The following PCDH15 variants were observed in gnomAD, a reference collection of about 807,000 sequenced individuals.
PCDH15 encodes protocadherin related 15, also known as protocadherin-15.
In PCDH15, 129 loss-of-function variants were observed where a neutral mutation model predicts 178.5. The observed-to-expected ratio is 0.72, with a 90% CI of 0.63 to 0.84. The LOEUF is 0.84. PCDH15 is among the 40% of genes least tolerant of loss of function. The pLI is 0.00. For missense variants in PCDH15, 2,230 were observed against 2,099.9 expected (o/e 1.06, Z -1.21); for synonymous variants, 800 against 732.0 (o/e 1.09, Z -1.50).
chr10:53,830,534 A>G (rs1359425852), intron 30 of PCDH15, among the ~76,000 whole-genome samples: 2 of 152,154 alleles, frequency 1.3e-5, no homozygotes, highest in Admixed American at 6.5e-5. Flanking sequence ...GTCTATAGAA[A>G]TATACTTAAA....
Position 55,134,193 on chromosome 10 carries a change from C to G in PCDH15, c.-80+32383G>C, listed in dbSNP as rs568391257. ...TACAGTCCTCCAGCTATAGGGGGAG[C>G]CTTGCTATTCATCCAAGTCAACAAT... On this transcript the variant is annotated intron_variant, in intron 2 of 5. Coordinates refer to the PCDH15 transcript ENST00000458638. Among the ~76,000 whole-genome samples the G allele has an allele frequency of 2.0e-3, 306 of 152,180 alleles. 1 individual carries two copies. Among genetic ancestry groups the G allele is most frequent in the Middle Eastern group, 0.017 (5 of 294 alleles).
intron 2 of PCDH15, among the ~76,000 whole-genome samples, chr10:55,137,341 TAATC>T (rs1838221235): frequency 6.6e-6 from 1 of 152,134 alleles, no homozygotes; most frequent in African/African-American, 2.4e-5. Context: ...TTACCTCAAA[TAATC>T]AGTATAGTAA....
At chr10:54,503,887 G>A (rs2080939116) in intron 3 of PCDH15, among the ~76,000 whole-genome samples, 1 of 152,004 alleles carries the variant, frequency 6.6e-6, no homozygotes, top group African/African-American at 2.4e-5. Flanking sequence ...ACCCCTGAAT[G>A]AAAACAGGAT....
intron 2 of PCDH15, among the ~76,000 whole-genome samples, chr10:55,086,360 T>C (rs74519252): frequency 0.033 from 4,961 of 152,134 alleles, 249 homozygotes; most frequent in East Asian, 0.15. Flanking sequence ...GTTTCTTACA[T>C]AGTTCTATGA....
chr10:54,788,618 A>G (rs1265012389), intron 1 of PCDH15, among the ~76,000 whole-genome samples: 3 of 151,948 alleles, frequency 2.0e-5, no homozygotes, highest in Non-Finnish European at 2.9e-5. Flanking sequence ...ATCTGTCTTC[A>G]GTAATAAGAT....
Position 53,831,368 on chromosome 10 carries a change from G to A in PCDH15, c.4149C>T (p.Ile1383=). Residue 1383 remains isoleucine (I), a synonymous_variant, in exon 30 of 38, where the codon ATC becomes ATT. Transcript: ENST00000644397. ...TEGALLALAF[I]IILCCIPAIL... ...TGGCAGGAATGCAGCAGAGGATGATGATGAAGGCCAGAGCCAACAAGGCCC... is the reference window on the plus strand; with the variant it reads ...TGGCAGGAATGCAGCAGAGGATGATAATGAAGGCCAGAGCCAACAAGGCCC... 1.2e-6 allele frequency: 2 copies of A among 1,614,118 alleles called. No individual in the cohort carries two copies. Among genetic ancestry groups the A allele is most frequent in the Non-Finnish European group, 1.7e-6 (2 of 1,180,024 alleles).
intron 17 of PCDH15, 148 bp from the exon 18 acceptor site, chr10:54,067,033 AAAAAAATT>A: frequency 1.5e-6 from 1 of 652,382 alleles, no homozygotes; most frequent in Non-Finnish European, 2.2e-6. Flanking sequence ...ATAAAAAAAT[AAAAAAATT>A]AAAAAAAAGA....
intron 2 of PCDH15, among the ~76,000 whole-genome samples, chr10:55,145,110 T>C (rs1838469061): frequency 6.6e-6 from 1 of 151,972 alleles, no homozygotes; most frequent in South Asian, 2.1e-4. Context: ...TTTTAACACA[T>C]TATTCTTTCC....
At chr10:54,003,124 T>C (rs2092242917) in intron 20 of PCDH15, among the ~76,000 whole-genome samples, 3 of 152,152 alleles carry the variant, frequency 2.0e-5, no homozygotes, top group Admixed American at 2.0e-4. Context: ...GGGAAATTTA[T>C]AGCTATAAGT....
chr10:54,250,482 A>C (rs767919148), intron 8 of PCDH15, among the ~76,000 whole-genome samples: 2 of 151,328 alleles, frequency 1.3e-5, no homozygotes. Context: ...ACAGGGTTTC[A>C]TCACTTTAGC....
At chr10:54,499,602 TA>T (rs1227173322) in intron 3 of PCDH15, among the ~76,000 whole-genome samples, 7 of 151,782 alleles carry the variant, frequency 4.6e-5, no homozygotes, top group Admixed American at 2.0e-4. Flanking sequence ...TAGGCAGAAA[TA>T]AAAAAAATTA....
intron 2 of PCDH15, among the ~76,000 whole-genome samples, chr10:55,546,602 C>A (rs908098376): frequency 3.3e-5 from 5 of 152,046 alleles, no homozygotes; most frequent in African/African-American, 1.2e-4. Context: ...AGCAAATAGA[C>A]GATCTGAGTA....
intron 2 of PCDH15, among the ~76,000 whole-genome samples, chr10:54,938,564 TTTTGTGAGACATTTATAC>T (rs1205440410): frequency 6.6e-6 from 1 of 152,158 alleles, no homozygotes; most frequent in Admixed American, 6.5e-5. Context: ...CAGAAATTTA[TTTTGTGAGACATTTATAC>T]TTTTCTATTT....
intron 3 of PCDH15, among the ~76,000 whole-genome samples, chr10:54,886,321 C>CAG (rs2131811189): frequency 6.6e-6 from 1 of 152,278 alleles, no homozygotes; most frequent in South Asian, 2.1e-4. Context: ...TGTAAACTTA[C>CAG]AGAGATAAAA....
chr10:54,166,333 T>C lies in PCDH15; in HGVS notation c.1591-13040A>G, dbSNP rs142428078. ...AAGGATTATTTCTTGCAAAATATAG[T>C]CAACTCCTTGAGGATTAGGGCTGTG... On this transcript the variant is annotated intron_variant, in intron 13 of 37. Transcript: ENST00000644397. 1.2e-3 allele frequency among the ~76,000 whole-genome samples: 177 copies of C among 152,330 alleles called. 1 individual carries two copies. Among genetic ancestry groups the C allele is most frequent in the African/African-American group, 4.1e-3 (171 of 41,578 alleles).
At chr10:54,109,433 A>G (rs1001331250) in intron 15 of PCDH15, among the ~76,000 whole-genome samples, 24 of 152,312 alleles carry the variant, frequency 1.6e-4, no homozygotes, top group African/African-American at 5.5e-4. Flanking sequence ...CAAAGGCATC[A>G]AACTCTGAAT....
intron 21 of PCDH15, among the ~76,000 whole-genome samples, chr10:53,967,394 A>G (rs1034982087): frequency 6.6e-6 from 1 of 152,156 alleles, no homozygotes; most frequent in Non-Finnish European, 1.5e-5. Flanking sequence ...ATGGATTAAT[A>G]CATAGCTGGA....
At chr10:55,281,586 T>G (rs956525578) in intron 1 of PCDH15, among the ~76,000 whole-genome samples, 1 of 152,172 alleles carries the variant, frequency 6.6e-6, no homozygotes, top group Non-Finnish European at 1.5e-5. Flanking sequence ...AACTCTTATT[T>G]TTTCACAGAA....
chr10:54,794,130 T>TATATATATCTTATATATATATAAG (rs1208070115), intron 1 of PCDH15, among the ~76,000 whole-genome samples: 1 of 146,670 alleles, frequency 6.8e-6, no homozygotes, highest in Non-Finnish European at 1.5e-5. Flanking sequence ...ATATAAGATA[T>TATATATATCTTATATATATATAAG]ATATATATCT....
Sources: allele counts gnomAD v4.1 joint callset (sites outside exome capture counted in the v4.1 genomes callset), GRCh38; gene constraint gnomAD v4.1.1; transcripts MANE v1.5; gene names NCBI Gene and HGNC (gene_info 2026-07-23, HGNC 2026-07-21).